MYO18A: variants seen among roughly 807,000 people sequenced by gnomAD.
MYO18A encodes the protein myosin XVIIIA.
MYO18A carries 78 observed loss-of-function variants against 235.8 expected under a neutral mutation model. The observed-to-expected ratio is 0.33, with a 90% CI of 0.28 to 0.40. The LOEUF is 0.40. Among genes scored for constraint, MYO18A ranks in the 10% least tolerant of loss-of-function variants. The probability of loss-of-function intolerance (pLI) is 1.00; values close to 1 mark genes in which losing one functional copy is unlikely to be tolerated. For synonymous variants in MYO18A, 977 were observed against 1,077.8 expected (o/e 0.91, Z 1.83); for missense variants, 2,215 against 2,699.3 (o/e 0.82, Z 3.98).
At chr17:29,088,756 G>A (rs1220968688) in intron 37 of MYO18A, among the ~76,000 whole-genome samples, 1 of 152,220 alleles carries the variant, frequency 6.6e-6, no homozygotes, top group African/African-American at 2.4e-5. Context: ...AAAAAGGATT[G>A]GTCCAGCATG....
intron 30 of MYO18A, 89 bp from the exon 31 acceptor site, chr17:29,094,179 G>T: frequency 1.1e-6 from 1 of 916,036 alleles, no homozygotes; most frequent in Non-Finnish European, 1.7e-6. Flanking sequence ...AGGCTCAGGG[G>T]CCGAGAACGT....
Position 29,074,679 on chromosome 17 carries a change from T to G in MYO18A, c.*91A>C. On this transcript the variant is annotated 3_prime_UTR_variant, in exon 42 of 42. Transcript: ENST00000527372. The surrounding 1 kb of genome is among the most constrained non-coding windows in gnomAD (Gnocchi z 4.4). ...TTTCCCATGCAGATCAGCAGTCGGG[T>G]GGGGGAGACCGGTGCCCCACCACTT... 1 of 1,422,136 alleles carries G rather than the reference T, an allele frequency of 7.0e-7. No homozygotes were observed. Among genetic ancestry groups the G allele is most frequent in the Non-Finnish European group, 9.8e-7 (1 of 1,016,218 alleles). The allele number at this position is 1,422,136 out of a possible 1,614,324, so 88.1% of individuals were successfully genotyped here.
At chr17:29,099,507 C>T (rs2066604019) in intron 22 of MYO18A, 127 bp downstream of exon 22, 9 of 1,297,414 alleles carry the variant, frequency 6.9e-6, no homozygotes, top group Middle Eastern at 4.9e-4. Flanking sequence ...TGCCTGTTCC[C>T]CACCCTGGCC....
Position 29,072,005 on chromosome 17 carries a change from C to T in MYO18A, c.*2765G>A, listed in dbSNP as rs963863628. The T allele has an allele frequency of 1.3e-5, 2 of 152,100 alleles. No individual in the cohort carries two copies. The highest frequency in any genetic ancestry group is 4.8e-5 in the African/African-American group (2 of 41,384). 9.4% of individuals were successfully genotyped at this position (152,100 alleles called of 1,614,324 possible). On this transcript the variant is annotated 3_prime_UTR_variant, in exon 42 of 42. Transcript: ENST00000527372. Reference sequence around the variant, plus strand: ...TTGAACAAAGCTTTTTACCCCAGGCCGGGTTATTGGAGGTTGATGTTGGAG... The same window carrying T: ...TTGAACAAAGCTTTTTACCCCAGGCTGGGTTATTGGAGGTTGATGTTGGAG...
chr17:29,177,912 C>T (rs2152995839), intron 1 of MYO18A, among the ~76,000 whole-genome samples: 1 of 152,290 alleles, frequency 6.6e-6, no homozygotes, highest in Non-Finnish European at 1.5e-5. Context: ...AGCCCTGCTG[C>T]CCTGAAGACC....
At position 29,090,632 on chromosome 17, in the gene MYO18A, A is replaced by G; in HGVS notation, c.5305-17T>C. ...CCGGGAAGCCTGGGAAAGGAATGAG[A>G]GCATCAGAAGCAGGATCCCCCATAA... is the stretch of plus-strand genomic sequence containing the variant. On this transcript the variant is annotated splice_polypyrimidine_tract_variant and intron_variant, in intron 35 of 41. Transcript: ENST00000527372. 5 of 1,591,786 alleles carry G rather than the reference A, an allele frequency of 3.1e-6. No individual in the cohort carries two copies. Among genetic ancestry groups the G allele is most frequent in the East Asian group, 2.3e-5 (1 of 44,110 alleles).
chr17:29,120,679 G>T lies in MYO18A; in HGVS notation c.1665C>A (p.Arg555=), dbSNP rs756805582. Reference sequence around the variant, plus strand: ...AGTCCAGGGAGAGGATCTGGGAGAAGCGGGTGGCATTGCCATTAATGATGG... The same window carrying T: ...AGTCCAGGGAGAGGATCTGGGAGAATCGGGTGGCATTGCCATTAATGATGG... ...SPTIINGNAT[R]FSQILSLDFD... The change falls in exon 7 of 42, where the codon CGC becomes CGA. Residue 555 remains arginine, a synonymous_variant. Transcript: ENST00000527372. This position sits in a 1 kb window ranked among gnomAD's most constrained non-coding sequence, Gnocchi z 4.2. The T allele has an allele frequency of 1.9e-6, 3 of 1,614,002 alleles. No individual in the cohort carries two copies. The Admixed American group carries it at 5.0e-5, about 27-fold the overall frequency.
intron 1 of MYO18A, among the ~76,000 whole-genome samples, chr17:29,178,782 G>C (rs1021427279): frequency 2.0e-5 from 3 of 152,192 alleles, no homozygotes; most frequent in African/African-American, 7.2e-5. Context: ...CAACAACAGG[G>C]CACCAACCTG....
At position 29,073,843 on chromosome 17, in the gene MYO18A, C is replaced by T. The variant is rs765781537; in HGVS notation, c.*927G>A. On this transcript the variant is annotated 3_prime_UTR_variant, in exon 42 of 42. Transcript: ENST00000527372. ...AACTTCCATCTTCAGTTTTTCTGAT[C>T]ACAAGTCCTCAACCCCAAGCCTTCC... The T allele has an allele frequency of 2.5e-6, 4 of 1,574,954 alleles. No individual in the cohort carries two copies. The East Asian group carries it at 6.8e-5, about 27-fold the overall frequency.
Position 29,118,509 on chromosome 17 carries a change from G to A in MYO18A, c.1830-69C>T. ...GCCAAGGCCATTTCCGCCCAGGGTG[G>A]AGACAGACAGACTCAGCTTCCAGAC... On this transcript the variant is annotated intron_variant, in intron 8 of 41. Transcript: ENST00000527372. This position sits in a 1 kb window ranked among gnomAD's most constrained non-coding sequence, Gnocchi z 4.2. The A allele has an allele frequency of 7.1e-7, 1 of 1,399,918 alleles. No homozygotes were observed. The highest frequency in any genetic ancestry group is 9.9e-7 in the Non-Finnish European group (1 of 1,007,472). The allele number at this position is 1,399,918 out of a possible 1,614,324, so 86.7% of individuals were successfully genotyped here. A position where few individuals can be genotyped will look rare whatever the true frequency, so the allele number is the denominator to read the frequency against.
chr17:29,150,601 T>C (rs2067945910), intron 2 of MYO18A, among the ~76,000 whole-genome samples: 1 of 152,232 alleles, frequency 6.6e-6, no homozygotes. Flanking sequence ...CACCCAACTA[T>C]TTCTTTCTGG....
intron 40 of MYO18A, among the ~76,000 whole-genome samples, chr17:29,083,980 T>A (rs1463970088): frequency 3.3e-5 from 5 of 152,258 alleles, no homozygotes; most frequent in Admixed American, 2.6e-4. Flanking sequence ...TGTTTACTGC[T>A]TTCATTAAGG....
chr17:29,088,849 G>A (rs902441249), intron 37 of MYO18A, among the ~76,000 whole-genome samples: 1 of 152,148 alleles, frequency 6.6e-6, no homozygotes, highest in East Asian at 1.9e-4. Context: ...ACCAGTCTGA[G>A]CAACAAGGCA....
chr17:29,144,133 C>T (rs2152932771), intron 2 of MYO18A, among the ~76,000 whole-genome samples: 1 of 152,338 alleles, frequency 6.6e-6, no homozygotes, highest in Non-Finnish European at 1.5e-5. Flanking sequence ...GGTGCAATAT[C>T]AGGGCATGGT....
At chr17:29,099,509 A>G in intron 22 of MYO18A, 125 bp downstream of exon 22, 3 of 1,307,856 alleles carry the variant, frequency 2.3e-6, no homozygotes, top group Admixed American at 5.6e-5. Flanking sequence ...CCTGTTCCCC[A>G]CCCTGGCCCA....
At chr17:29,098,591 C>A in intron 23 of MYO18A, 146 bp from the exon 24 acceptor site, 1 of 1,083,858 alleles carries the variant, frequency 9.2e-7, no homozygotes, top group South Asian at 1.5e-5. Flanking sequence ...AGAGCCACTG[C>A]CTCCTGGGGA....
In MYO18A at chr17:29,098,210, T is replaced by C. The variant is rs757151921; in HGVS notation, c.3885A>G (p.Thr1295=). ...DRLESRISEL[T]SELTDERNTG... is the part of the protein sequence containing the mutation. ...TGTTACGCTCATCTGTCAGCTCCGA[T>C]GTCAGCTCTGAGATCTGGGGTTGGG... The change falls in exon 25 of 42, where the codon ACA becomes ACG. Residue 1295 remains threonine (T), a synonymous_variant. Transcript: ENST00000527372. The C allele has an allele frequency of 1.2e-6, 2 of 1,613,984 alleles. No homozygotes were observed.
Position 29,089,941 on chromosome 17 carries a change from C to G in MYO18A, c.5526+20G>C, listed in dbSNP as rs181871737. ...CAGCTCTGCCCTGTTTGGTGTGGCCCGGGAGAAGTGTGAACCCACCTCCAG... is the reference window on the plus strand; with the variant it reads ...CAGCTCTGCCCTGTTTGGTGTGGCCGGGGAGAAGTGTGAACCCACCTCCAG... On this transcript the variant is annotated intron_variant, in intron 37 of 41. Transcript: ENST00000527372. The G allele has an allele frequency of 6.2e-7, 1 of 1,613,750 alleles. No homozygotes were observed. Among genetic ancestry groups the G allele is most frequent in the East Asian group, 2.2e-5 (1 of 44,876 alleles).
At chr17:29,101,080 C>G (rs574454496) in intron 21 of MYO18A, among the ~76,000 whole-genome samples, 1 of 152,300 alleles carries the variant, frequency 6.6e-6, no homozygotes, top group Non-Finnish European at 1.5e-5. Flanking sequence ...TCACTGCAAC[C>G]TCTACCTCCC....
Sources: gnomAD v4.1 joint callset for allele counts (sites outside exome capture counted in the v4.1 genomes callset) on GRCh38, gnomAD v4.1.1 for gene constraint, Gnocchi (gnomAD v3.1) non-coding constraint, MANE v1.5 for transcripts, NCBI Gene and HGNC (gene_info 2026-07-23, HGNC 2026-07-21) for gene names.